Variants in AFF1 observed in about 807,000 individuals in gnomAD.
The protein encoded by AFF1 is AF4/FMR2 family member 1.
AFF1 carries 48 observed loss-of-function variants against 121.7 expected under a neutral mutation model. The ratio of observed to expected loss-of-function variants is 0.39; its 90% CI spans 0.31 to 0.50. AFF1 has a LOEUF of 0.50. Ranked by LOEUF, AFF1 falls within the 20% of genes least tolerant of loss-of-function variation. The pLI is 0.76. For missense variants in AFF1, 1,523 were observed against 1,511.7 expected (o/e 1.01, Z -0.12); for synonymous variants, 613 against 563.0 (o/e 1.09, Z -1.26).
chr4:87,002,433 T>G (rs969384775), intron 2 of AFF1, among the ~76,000 whole-genome samples: 2 of 143,490 alleles, frequency 1.4e-5, no homozygotes, highest in Non-Finnish European at 3.1e-5. Flanking sequence ...AAGTTTTTTT[T>G]TTTTTTTTTT....
At chr4:87,012,340 T>G (rs560226778) in intron 2 of AFF1, among the ~76,000 whole-genome samples, 1 of 151,664 alleles carries the variant, frequency 6.6e-6, no homozygotes, top group South Asian at 2.1e-4. Context: ...GCAAATAAAC[T>G]TATTCTAATT....
chr4:87,069,391 C>A (rs1432622413), intron 4 of AFF1, among the ~76,000 whole-genome samples: 1 of 147,462 alleles, frequency 6.8e-6, no homozygotes, highest in African/African-American at 2.5e-5. Context: ...CTGTCCCCAT[C>A]TCCTCTCTTT....
chr4:87,121,859 T>C (rs1727726652), intron 12 of AFF1, among the ~76,000 whole-genome samples: 1 of 152,238 alleles, frequency 6.6e-6, no homozygotes, highest in South Asian at 2.1e-4. Context: ...CTATAACCAG[T>C]CTGTGAGGAT....
intron 2 of AFF1, among the ~76,000 whole-genome samples, chr4:86,989,363 G>T (rs1724527254): frequency 6.6e-6 from 1 of 152,200 alleles, no homozygotes; most frequent in African/African-American, 2.4e-5. Flanking sequence ...CCAAAGGTGG[G>T]TGAAGGATAT....
chr4:86,977,971 C>G (rs936100867), intron 2 of AFF1, among the ~76,000 whole-genome samples: 1 of 151,822 alleles, frequency 6.6e-6, no homozygotes, highest in Non-Finnish European at 1.5e-5. Context: ...TGTACTCTGC[C>G]CTGGGTTGTG....
chr4:87,056,743 CAT>C (rs1216254681), intron 4 of AFF1, among the ~76,000 whole-genome samples: 1 of 152,176 alleles, frequency 6.6e-6, no homozygotes, highest in African/African-American at 2.4e-5. Context: ...TTTATTATGA[CAT>C]AGCATAAAAA....
intron 1 of AFF1, among the ~76,000 whole-genome samples, chr4:86,946,133 C>T (rs774533957): frequency 1.3e-5 from 2 of 152,062 alleles, no homozygotes; most frequent in Admixed American, 6.6e-5. Flanking sequence ...TTATCAGTCC[C>T]GAGGACCCTT....
intron 16 of AFF1, 66 bp downstream of exon 16, chr4:87,127,769 C>T: frequency 6.7e-7 from 1 of 1,483,522 alleles, no homozygotes; most frequent in Admixed American, 1.7e-5. Context: ...TTTTGGTAGT[C>T]TCCATTCTGC....
intron 2 of AFF1, among the ~76,000 whole-genome samples, chr4:87,027,619 T>C (rs1728647319): frequency 6.6e-6 from 1 of 152,144 alleles, no homozygotes; most frequent in South Asian, 2.1e-4. Flanking sequence ...TTTATTCTTG[T>C]GGTTATTTTT....
intron 2 of AFF1, among the ~76,000 whole-genome samples, chr4:86,961,255 AT>A (rs924284134): frequency 6.6e-6 from 1 of 152,044 alleles, no homozygotes; most frequent in Non-Finnish European, 1.5e-5. Context: ...GTAACTCCCT[AT>A]GAGGTTATGT....
At chr4:87,088,629 G>C (rs1390930190) in intron 5 of AFF1, among the ~76,000 whole-genome samples, 2 of 151,998 alleles carry the variant, frequency 1.3e-5, no homozygotes, top group Non-Finnish European at 2.9e-5. Flanking sequence ...TGTTGAGACG[G>C]AGTCTCGCCC....
intron 4 of AFF1, among the ~76,000 whole-genome samples, chr4:87,082,297 G>T (rs894956948): frequency 6.6e-6 from 1 of 152,066 alleles, no homozygotes; most frequent in Non-Finnish European, 1.5e-5. Context: ...CAGCATTTCT[G>T]TATCTTAAGT....
chr4:87,072,292 G>A (rs1229208658), intron 4 of AFF1, among the ~76,000 whole-genome samples: 3 of 150,260 alleles, frequency 2.0e-5, no homozygotes, highest in Non-Finnish European at 4.4e-5. Context: ...GAACCCGGGA[G>A]GCGGAGCTTG....
In AFF1 at chr4:87,105,694, A is replaced by G. The variant is rs1013367340; in HGVS notation, c.1338+12A>G. The G allele has an allele frequency of 6.2e-7, 1 of 1,614,188 alleles. No individual in the cohort carries two copies. Among genetic ancestry groups the G allele is most frequent in the Admixed American group, 1.7e-5 (1 of 60,028 alleles). ...GTGACAGTGAACAAGTAAGTGTTGC[A>G]CAGCCTGTAATACCAGGAGTCCTTT... is the stretch of plus-strand genomic sequence containing the variant. On this transcript the variant is annotated intron_variant, in intron 9 of 20. Transcript: ENST00000395146.
intron 4 of AFF1, among the ~76,000 whole-genome samples, chr4:87,070,315 T>G (rs1721898288): frequency 6.6e-6 from 1 of 152,196 alleles, no homozygotes; most frequent in South Asian, 2.1e-4. Context: ...ATTTTTGTAT[T>G]TTTAGTAGAG....
chr4:87,109,686 AAATGG>A (rs1726270249), intron 11 of AFF1, among the ~76,000 whole-genome samples: 1 of 152,246 alleles, frequency 6.6e-6, no homozygotes, highest in African/African-American at 2.4e-5. Context: ...AATTCAAATA[AAATGG>A]AAATGTTACA....
chr4:87,012,216 TCTTG>T (rs751376244), intron 2 of AFF1, among the ~76,000 whole-genome samples: 1 of 89,168 alleles, frequency 1.1e-5, no homozygotes, highest in African/African-American at 3.9e-5. Context: ...CCATTTCATT[TCTTG>T]TTTTTTTTTT....
At chr4:87,064,825 A>T (rs1213327780) in intron 4 of AFF1, among the ~76,000 whole-genome samples, 1 of 150,386 alleles carries the variant, frequency 6.6e-6, no homozygotes, top group Non-Finnish European at 1.5e-5. Flanking sequence ...TAAAGTCGAG[A>T]TCGCGTCATT....
At chr4:87,108,088 A>G in intron 10 of AFF1, 71 bp from the exon 11 acceptor site, 1 of 1,549,948 alleles carries the variant, frequency 6.5e-7, no homozygotes, top group East Asian at 2.3e-5. Context: ...TAGCAGGAAA[A>G]TGGGCAAGGG....
Sources: gnomAD v4.1 joint callset for allele counts (sites outside exome capture counted in the v4.1 genomes callset) on GRCh38, gnomAD v4.1.1 for gene constraint, MANE v1.5 for transcripts, NCBI Gene and HGNC (gene_info 2026-07-23, HGNC 2026-07-21) for gene names.